The following TMTC4 variants were observed in gnomAD, a reference collection of about 807,000 sequenced individuals.
TMTC4 encodes transmembrane O-mannosyltransferase targeting cadherins 4.
Under a neutral mutation model 86.0 loss-of-function variants are expected in TMTC4, and 65 were observed. The ratio of observed to expected loss-of-function variants is 0.76; its 90% confidence interval spans 0.62 to 0.93. The LOEUF (loss-of-function observed/expected upper bound fraction) is 0.93, where lower values mean the gene tolerates loss of function less well. TMTC4 is among the 40% of genes least tolerant of loss of function. TMTC4 has a pLI of 0.00. For missense variants in TMTC4, 866 were observed against 948.1 expected, an observed-to-expected ratio of 0.91 and a Z score of 1.14; for synonymous variants, 379 against 382.5, an observed-to-expected ratio of 0.99 and a Z score of 0.11.
rs1237237095 is a variant in TMTC4, at chr13:100,636,601, G to C, written c.1133C>G (p.Ala378Gly). The change falls in exon 10 of 19, where the codon GCA becomes GGA. Residue 378 changes from alanine to glycine, a missense_variant. By Grantham distance (60) the Ala-to-Gly change is moderately conservative (BLOSUM62 0). Coordinates refer to ENST00000342624, the MANE Select transcript of TMTC4 (RefSeq NM_032813.5). ...GCCAATTAGGCAGAACCAGAGTGCT[G>C]CAAGTGCAATTACCCTCCAGTCGCT... Reference protein sequence around the residue: ...SISDWRVIALAALWFCLIGLI... With the variant: ...SISDWRVIALGALWFCLIGLI... The C allele has an allele frequency of 1.9e-6, 3 of 1,614,100 alleles. No individual in the cohort carries two copies. Among genetic ancestry groups the C allele is most frequent in the African/African-American group, 1.3e-5 (1 of 74,928 alleles).
chr13:100,632,053 A>ACACACACACACACTCTCT (rs1296569630), intron 12 of TMTC4, among the ~76,000 whole-genome samples: 682 of 42,802 alleles, frequency 0.016, 8 homozygotes, highest in Non-Finnish European at 0.025. Context: ...ACACACACAC[A>ACACACACACACACTCTCT]CTCTCTCTCT....
At chr13:100,609,785 G>A (rs1594224884) in intron 17 of TMTC4, among the ~76,000 whole-genome samples, 1 of 152,156 alleles carries the variant, frequency 6.6e-6, no homozygotes, top group East Asian at 1.9e-4. Context: ...ACCTTGTCAA[G>A]AGGGTGGGCA....
At position 100,612,519 on chromosome 13, in the gene TMTC4, GA is replaced by G; in HGVS notation, c.1952-10del. The G allele has an allele frequency of 6.3e-7, 1 of 1,589,040 alleles. No individual in the cohort carries two copies. Among genetic ancestry groups the G allele is most frequent in the Non-Finnish European group, 8.6e-7 (1 of 1,161,728 alleles). On this transcript the variant is annotated splice_polypyrimidine_tract_variant and intron_variant, in intron 16 of 18. Transcript: ENST00000342624. ...AGCTTGGGCTAAATTACCTGGGAGT[GA>G]AAAATGGAAAAATAAAAGACATGTT...
At chr13:100,632,053 A>ACTCT (rs67759381) in intron 12 of TMTC4, among the ~76,000 whole-genome samples, 69 of 43,080 alleles carry the variant, frequency 1.6e-3, no homozygotes, top group African/African-American at 3.3e-3. Context: ...ACACACACAC[A>ACTCT]CTCTCTCTCT....
chr13:100,614,464 C>G, intron 15 of TMTC4, 34 bp from the exon 16 acceptor site: 1 of 1,407,452 alleles, frequency 7.1e-7, no homozygotes, highest in Non-Finnish European at 1.0e-6. Context: ...ATCAGTATTC[C>G]AAGTTTCCTG....
At chr13:100,606,835 C>T (rs993098169) in intron 17 of TMTC4, among the ~76,000 whole-genome samples, 3 of 152,208 alleles carry the variant, frequency 2.0e-5, no homozygotes, top group African/African-American at 7.2e-5. Context: ...CCCATTTCCT[C>T]TCCCCCAAGA....
At chr13:100,674,672 G>C (rs1887615489) in intron 1 of TMTC4, 72 bp downstream of exon 1, 1 of 981,674 alleles carries the variant, frequency 1.0e-6, no homozygotes, top group Admixed American at 6.3e-5. Context: ...CGGGGAACCC[G>C]CGCCCGCTCC....
At chr13:100,636,410 C>T in intron 10 of TMTC4, 122 bp downstream of exon 10, 1 of 1,161,408 alleles carries the variant, frequency 8.6e-7, no homozygotes, top group Non-Finnish European at 1.2e-6. Flanking sequence ...CATAAATATG[C>T]ATTTGAAACA....
chr13:100,651,780 T>C (rs577050642), intron 6 of TMTC4, among the ~76,000 whole-genome samples: 60 of 152,350 alleles, frequency 3.9e-4, no homozygotes, highest in African/African-American at 1.2e-3. Flanking sequence ...CCTCTGATAT[T>C]AGGCCTTTCT....
intron 6 of TMTC4, among the ~76,000 whole-genome samples, chr13:100,644,845 C>T (rs889026451): frequency 4.6e-5 from 7 of 151,336 alleles, no homozygotes; most frequent in Admixed American, 2.0e-4. Flanking sequence ...GATGGAGTAT[C>T]GCTCTGTCAC....
rs140196409 is a variant in TMTC4 at position 100,622,873 on chromosome 13, T to C, written c.1836+2662A>G. On this transcript the variant is annotated intron_variant, in intron 15 of 18. Coordinates refer to ENST00000342624, the MANE Select transcript of TMTC4 (RefSeq NM_032813.5). ...ATATTTCTAACACAAGCATTACTCG[T>C]CCACGTAAAGGGACTTCTGCAGAGG... Among the ~76,000 whole-genome samples, 405 of 152,286 alleles carry C rather than the reference T, an allele frequency of 2.7e-3. 3 individuals carry two copies. Among genetic ancestry groups the C allele is most frequent in the African/African-American group, 9.3e-3 (385 of 41,548 alleles).
chr13:100,663,213 G>A (rs192596469), intron 4 of TMTC4, 33 bp from the exon 5 acceptor site: 102 of 1,596,748 alleles, frequency 6.4e-5, no homozygotes, highest in South Asian at 6.6e-5. Flanking sequence ...GGGTACACGC[G>A]CAGCGGCATG....
At chr13:100,657,845 C>G (rs547649730) in intron 5 of TMTC4, among the ~76,000 whole-genome samples, 7 of 152,290 alleles carry the variant, frequency 4.6e-5, no homozygotes, top group African/African-American at 1.7e-4. Flanking sequence ...GCAGATTCCC[C>G]TACATCGGTT....
intron 17 of TMTC4, among the ~76,000 whole-genome samples, chr13:100,608,357 G>A (rs1163939867): frequency 6.6e-6 from 1 of 152,212 alleles, no homozygotes; most frequent in Non-Finnish European, 1.5e-5. Context: ...GAGGAGGCCA[G>A]TGTGAAGGAA....
intron 3 of TMTC4, among the ~76,000 whole-genome samples, chr13:100,665,772 A>T (rs1476546321): frequency 6.6e-6 from 1 of 152,232 alleles, no homozygotes; most frequent in Admixed American, 6.5e-5. Flanking sequence ...ACTCAAAGGG[A>T]AAGGCTTGAA....
intron 15 of TMTC4, chr13:100,624,095 G>A (rs1279211031): frequency 5.3e-6 from 1 of 189,314 alleles, no homozygotes; most frequent in Non-Finnish European, 1.1e-5. Flanking sequence ...CGGAGGCTGA[G>A]GCGGGCGGAT....
chr13:100,637,332 G>C (rs1026171870), intron 9 of TMTC4, among the ~76,000 whole-genome samples: 2 of 152,116 alleles, frequency 1.3e-5, no homozygotes, highest in African/African-American at 4.8e-5. Flanking sequence ...GAAATGCAAG[G>C]AGCTTCTGCA....
chr13:100,647,874 A>T (rs1883953329), intron 6 of TMTC4, among the ~76,000 whole-genome samples: 1 of 152,190 alleles, frequency 6.6e-6, no homozygotes, highest in Non-Finnish European at 1.5e-5. Flanking sequence ...GAAAAATAAC[A>T]ACTAGAAAAC....
At chr13:100,622,278 T>C (rs773946043) in intron 15 of TMTC4, among the ~76,000 whole-genome samples, 5 of 152,170 alleles carry the variant, frequency 3.3e-5, no homozygotes, top group Non-Finnish European at 7.3e-5. Context: ...CACGAAGAAA[T>C]AATTCCTCCT....
Sources: allele counts gnomAD v4.1 joint callset (sites outside exome capture counted in the v4.1 genomes callset), GRCh38; gene constraint gnomAD v4.1.1; transcripts MANE v1.5; gene names NCBI Gene and HGNC (gene_info 2026-07-23, HGNC 2026-07-21).